The following CCSER1 variants were observed in gnomAD, a reference collection of about 807,000 sequenced individuals.
CCSER1 encodes the protein coiled-coil serine rich protein 1, also known as serine-rich coiled-coil domain-containing protein 1.
CCSER1 carries 41 observed loss-of-function variants against 82.0 expected under a neutral mutation model. The ratio of observed to expected loss-of-function variants is 0.50; its 90% confidence interval spans 0.39 to 0.65. CCSER1 has a LOEUF of 0.65. CCSER1 is among the 30% of genes least tolerant of loss of function. CCSER1 has a pLI of 0.00. For synonymous variants in CCSER1, 414 were observed against 383.9 expected, an observed-to-expected ratio of 1.08 and a Z score of -0.92; for missense variants, 1,119 against 1,064.2, an observed-to-expected ratio of 1.05 and a Z score of -0.72.
chr4:90,406,260 G>A (rs1295570826), intron 4 of CCSER1, among the ~76,000 whole-genome samples: 2 of 152,070 alleles, frequency 1.3e-5, no homozygotes, highest in Non-Finnish European at 2.9e-5. Context: ...AGTTAAAAAA[G>A]GCAAAGAGGG....
intron 4 of CCSER1, among the ~76,000 whole-genome samples, chr4:90,460,182 G>A (rs112833932): frequency 0.088 from 12,941 of 147,276 alleles, 1,036 homozygotes; most frequent in African/African-American, 0.18. Flanking sequence ...AAAATTAGCC[G>A]GGCATGGTGG....
chr4:90,306,522 T>C (rs947632288), intron 1 of CCSER1, among the ~76,000 whole-genome samples: 2 of 152,140 alleles, frequency 1.3e-5, no homozygotes, highest in African/African-American at 4.8e-5. Context: ...TAGTGAAAAA[T>C]CATCCATCAA....
intron 10 of CCSER1, among the ~76,000 whole-genome samples, chr4:91,365,149 T>G (rs1749522628): frequency 6.6e-6 from 1 of 152,214 alleles, no homozygotes; most frequent in African/African-American, 2.4e-5. Context: ...TTCTGTTATT[T>G]ATGAGAGGCT....
chr4:90,896,322 A>T (rs1014173107), intron 8 of CCSER1, among the ~76,000 whole-genome samples: 1 of 151,968 alleles, frequency 6.6e-6, no homozygotes, highest in African/African-American at 2.4e-5. Flanking sequence ...GGGCATTGTT[A>T]AAAAGAAGTT....
chr4:90,548,714 T>A (rs190180231), intron 5 of CCSER1, among the ~76,000 whole-genome samples: 8 of 148,692 alleles, frequency 5.4e-5, no homozygotes, highest in Admixed American at 4.0e-4. Context: ...ATAAGCAAGG[T>A]TTATCATTTA....
intron 1 of CCSER1, among the ~76,000 whole-genome samples, chr4:90,222,063 C>G (rs7698374): frequency 6.6e-6 from 1 of 151,990 alleles, no homozygotes; most frequent in Non-Finnish European, 1.5e-5. Context: ...ATTTTGCAGG[C>G]TCAGGTAACA....
chr4:91,501,926 G>A (rs929423694), intron 10 of CCSER1, among the ~76,000 whole-genome samples: 3 of 152,120 alleles, frequency 2.0e-5, no homozygotes, highest in Non-Finnish European at 4.4e-5. Context: ...ACAATTGACA[G>A]CATCACTTAT....
intron 9 of CCSER1, among the ~76,000 whole-genome samples, chr4:90,980,900 A>G (rs1736053383): frequency 6.6e-6 from 1 of 151,834 alleles, no homozygotes; most frequent in Non-Finnish European, 1.5e-5. Flanking sequence ...AATGTTATCT[A>G]GAATTTCCGG....
Position 90,976,553 on chromosome 4 carries a change from T to C in CCSER1, c.2172+53106T>C, listed in dbSNP as rs537491606. ...GTAATCCTATTTCTGGAAATCCACC[T>C]TAAAATATAAACCAAGATTGTGTAA... On this transcript the variant is annotated intron_variant, in intron 9 of 10. Transcript: ENST00000509176. Among the ~76,000 whole-genome samples the C allele has an allele frequency of 5.9e-5, 9 of 151,380 alleles. No homozygotes were observed. The East Asian group carries it at 1.8e-3, about 30-fold the overall frequency.
chr4:90,172,694 G>A (rs1020057420), intron 1 of CCSER1, among the ~76,000 whole-genome samples: 3 of 151,796 alleles, frequency 2.0e-5, no homozygotes, highest in South Asian at 4.1e-4. Context: ...TCTAGATCCT[G>A]TACTCTTAAC....
intron 1 of CCSER1, 130 bp downstream of exon 1, chr4:90,127,961 A>G (rs1578103276): frequency 6.6e-6 from 1 of 151,550 alleles, no homozygotes; most frequent in Admixed American, 6.6e-5. Context: ...GCCGCCTGCG[A>G]GCAGCGCGCG....
intron 5 of CCSER1, among the ~76,000 whole-genome samples, chr4:90,502,038 A>G (rs964499489): frequency 1.3e-5 from 2 of 152,236 alleles, no homozygotes; most frequent in East Asian, 1.9e-4. Context: ...ATATTTTACA[A>G]CATATAAAAT....
chr4:91,498,782 C>G (rs1252676896), intron 10 of CCSER1, among the ~76,000 whole-genome samples: 5 of 151,678 alleles, frequency 3.3e-5, no homozygotes, highest in Non-Finnish European at 7.4e-5. Flanking sequence ...GCACTTTTCT[C>G]ATAAGTTTGA....
At chr4:90,270,958 A>G (rs528772587) in intron 1 of CCSER1, among the ~76,000 whole-genome samples, 22 of 152,284 alleles carry the variant, frequency 1.4e-4, no homozygotes, top group African/African-American at 5.0e-4. Context: ...TCTTCAATGG[A>G]AACTATAAAA....
chr4:90,235,741 A>G (rs1280329525), intron 1 of CCSER1, among the ~76,000 whole-genome samples: 6 of 152,110 alleles, frequency 3.9e-5, no homozygotes, highest in East Asian at 1.9e-4. Context: ...ATTCAGGTCT[A>G]TATTTGAAGC....
At chr4:90,402,587 C>A (rs1009331422) in intron 4 of CCSER1, among the ~76,000 whole-genome samples, 1 of 152,058 alleles carries the variant, frequency 6.6e-6, no homozygotes, top group African/African-American at 2.4e-5. Flanking sequence ...TTATAATATT[C>A]TCTCTATTTT....
intron 1 of CCSER1, among the ~76,000 whole-genome samples, chr4:90,194,083 T>C (rs1351135164): frequency 1.3e-5 from 2 of 152,072 alleles, no homozygotes; most frequent in African/African-American, 4.8e-5. Context: ...GCAGTCACAA[T>C]AGAGTGCCTT....
intron 5 of CCSER1, among the ~76,000 whole-genome samples, chr4:90,519,076 T>C (rs1342413579): frequency 6.6e-6 from 1 of 151,914 alleles, no homozygotes; most frequent in Non-Finnish European, 1.5e-5. Context: ...AAGATTTTTA[T>C]ATATTCATTT....
intron 8 of CCSER1, among the ~76,000 whole-genome samples, chr4:90,861,868 C>T (rs1765123288): frequency 6.8e-6 from 1 of 147,208 alleles, no homozygotes; most frequent in Non-Finnish European, 1.5e-5. Flanking sequence ...TCTTAGAAAG[C>T]CATGATGAAA....
Sources: allele counts gnomAD v4.1 joint callset (sites outside exome capture counted in the v4.1 genomes callset), GRCh38; gene constraint gnomAD v4.1.1; transcripts MANE v1.5; gene names NCBI Gene and HGNC (gene_info 2026-07-23, HGNC 2026-07-21).